SETBP1: variants seen among roughly 807,000 people sequenced by gnomAD.
SETBP1 encodes SET binding protein 1, also known as SET-binding protein.
In SETBP1, 9 loss-of-function variants were observed where a neutral mutation model predicts 101.0. The observed-to-expected ratio is 0.09, with a 90% CI of 0.05 to 0.16. SETBP1 has a LOEUF of 0.16. Among genes scored for constraint, SETBP1 ranks in the 10% least tolerant of loss-of-function variants. The probability of loss-of-function intolerance (pLI) is 1.00; values close to 1 mark genes in which losing one functional copy is unlikely to be tolerated. For missense variants in SETBP1, 1,858 were observed against 2,033.8 expected (o/e 0.91, Z 1.66); for synonymous variants, 818 against 788.5 (o/e 1.04, Z -0.63).
At chr18:44,878,975 G>C (rs1377194224) in intron 3 of SETBP1, among the ~76,000 whole-genome samples, 3 of 152,180 alleles carry the variant, frequency 2.0e-5, no homozygotes, top group Non-Finnish European at 4.4e-5. Flanking sequence ...CCTGATAGTG[G>C]CCATCCTCTT....
chr18:45,043,363 T>TCTCTCTCTCACA (rs143126603), intron 5 of SETBP1, among the ~76,000 whole-genome samples: 4 of 149,466 alleles, frequency 2.7e-5, no homozygotes, highest in African/African-American at 7.4e-5. Flanking sequence ...TCTCTCTCTC[T>TCTCTCTCTCACA]CTCACACACT....
intron 3 of SETBP1, among the ~76,000 whole-genome samples, chr18:44,897,652 G>T (rs2069938499): frequency 6.6e-6 from 1 of 152,178 alleles, no homozygotes; most frequent in Non-Finnish European, 1.5e-5. Flanking sequence ...TGCTGTTCCA[G>T]CTCTCAGAGA....
At chr18:44,916,305 C>T (rs1181292387) in intron 3 of SETBP1, among the ~76,000 whole-genome samples, 1 of 152,196 alleles carries the variant, frequency 6.6e-6, no homozygotes, top group African/African-American at 2.4e-5. Flanking sequence ...TCCAAACAAA[C>T]ATCTGTTTCT....
intron 2 of SETBP1, among the ~76,000 whole-genome samples, chr18:44,865,705 G>A (rs540612334): frequency 1.1e-4 from 17 of 152,096 alleles, no homozygotes; most frequent in African/African-American, 3.6e-4. Context: ...TGGTTAGAGC[G>A]TGGTTAGAAC....
intron 2 of SETBP1, among the ~76,000 whole-genome samples, chr18:44,779,436 A>G (rs1308423452): frequency 2.6e-5 from 4 of 152,226 alleles, no homozygotes; most frequent in African/African-American, 9.6e-5. Flanking sequence ...CATGCAGTAC[A>G]GATGTCAACA....
At chr18:45,031,028 C>T (rs978083637) in intron 4 of SETBP1, among the ~76,000 whole-genome samples, 3 of 151,608 alleles carry the variant, frequency 2.0e-5, no homozygotes, top group Non-Finnish European at 2.9e-5. Flanking sequence ...CTGCTCTGAT[C>T]TTAGTTATTT....
chr18:44,870,448 G>T (rs187061704), intron 3 of SETBP1: 3 of 152,180 alleles, frequency 2.0e-5, no homozygotes, highest in Admixed American at 1.3e-4. Flanking sequence ...AGATAGATTC[G>T]CACACCAGTG....
At chr18:44,995,282 C>T (rs1277814282) in intron 4 of SETBP1, among the ~76,000 whole-genome samples, 5 of 151,668 alleles carry the variant, frequency 3.3e-5, no homozygotes, top group African/African-American at 1.2e-4. Context: ...GCTGGGACTA[C>T]AGGCACCTGC....
intron 3 of SETBP1, among the ~76,000 whole-genome samples, chr18:44,913,195 T>G (rs557632803): frequency 6.6e-6 from 1 of 152,316 alleles, no homozygotes; most frequent in Admixed American, 6.5e-5. Context: ...TCAATGAAGG[T>G]TAAGTTCAGC....
intron 4 of SETBP1, among the ~76,000 whole-genome samples, chr18:44,964,132 A>G (rs895307978): frequency 6.6e-5 from 10 of 152,108 alleles, no homozygotes; most frequent in Non-Finnish European, 1.3e-4. Context: ...TCTGAAGCCT[A>G]TCTGTCACGT....
intron 2 of SETBP1, among the ~76,000 whole-genome samples, chr18:44,733,844 C>G (rs1305212614): frequency 6.6e-6 from 1 of 152,106 alleles, no homozygotes; most frequent in East Asian, 1.9e-4. Context: ...CCCTTCTGTT[C>G]CTTCTGACCA....
At chr18:45,023,233 T>C (rs1419808724) in intron 4 of SETBP1, among the ~76,000 whole-genome samples, 2 of 152,264 alleles carry the variant, frequency 1.3e-5, no homozygotes, top group African/African-American at 4.8e-5. Flanking sequence ...ATAAATTCCA[T>C]TTTTAATGAT....
intron 2 of SETBP1, among the ~76,000 whole-genome samples, chr18:44,799,395 A>G (rs946436241): frequency 6.6e-6 from 1 of 152,054 alleles, no homozygotes; most frequent in African/African-American, 2.4e-5. Context: ...AGCCTTGCCT[A>G]TTAGATCCTG....
chr18:45,047,579 T>C (rs2073638028), intron 5 of SETBP1, among the ~76,000 whole-genome samples: 1 of 152,176 alleles, frequency 6.6e-6, no homozygotes, highest in Admixed American at 6.5e-5. Context: ...TGGAGAGTTT[T>C]TGAAAAACTT....
chr18:44,946,503 G>T (rs903453938), intron 3 of SETBP1, among the ~76,000 whole-genome samples: 2 of 152,176 alleles, frequency 1.3e-5, no homozygotes, highest in African/African-American at 4.8e-5. Flanking sequence ...AAATTGCATT[G>T]AAGGGGAGTT....
intron 2 of SETBP1, among the ~76,000 whole-genome samples, chr18:44,861,925 C>CATT (rs1196496150): frequency 2.6e-5 from 4 of 152,164 alleles, no homozygotes; most frequent in Non-Finnish European, 5.9e-5. Flanking sequence ...TCTTTGGGTT[C>CATT]ATTAAGTTCA....
At chr18:45,042,237 C>A (rs1433219008) in intron 5 of SETBP1, among the ~76,000 whole-genome samples, 4 of 150,524 alleles carry the variant, frequency 2.7e-5, no homozygotes, top group Non-Finnish European at 5.9e-5. Flanking sequence ...GCAACCTCCA[C>A]CTCCCAGATT....
intron 3 of SETBP1, among the ~76,000 whole-genome samples, chr18:44,911,959 A>AT (rs2070320716): frequency 6.6e-6 from 1 of 151,992 alleles, no homozygotes; most frequent in African/African-American, 2.4e-5. Context: ...ACACACACAC[A>AT]TAGGCACAAA....
intron 4 of SETBP1, among the ~76,000 whole-genome samples, chr18:45,016,175 G>A (rs1239648216): frequency 6.6e-6 from 1 of 152,208 alleles, no homozygotes; most frequent in African/African-American, 2.4e-5. Flanking sequence ...ATATGAACGG[G>A]GCTGGTGAGG....
Sources: allele counts gnomAD v4.1 joint callset (sites outside exome capture counted in the v4.1 genomes callset), GRCh38; gene constraint gnomAD v4.1.1; transcripts MANE v1.5; gene names NCBI Gene and HGNC (gene_info 2026-07-23, HGNC 2026-07-21).